ABCC10: variants seen among roughly 807,000 people sequenced by gnomAD.
The protein encoded by ABCC10 is ATP binding cassette subfamily C member 10, also known as ATP-binding cassette sub-family C member 10.
A neutral mutation model predicts 143.2 loss-of-function variants in ABCC10; 110 were observed. The ratio of observed to expected loss-of-function variants is 0.77; its 90% CI spans 0.66 to 0.90. ABCC10 has a LOEUF of 0.90. ABCC10 is among the 40% of genes least tolerant of loss of function. The pLI is 0.00. For synonymous variants in ABCC10, 805 were observed against 846.7 expected (o/e 0.95, Z 0.85); for missense variants, 1,700 against 1,900.5 (o/e 0.89, Z 1.96).
In ABCC10 at chr6:43,441,947, G is replaced by T; in HGVS notation, c.2213G>T (p.Arg738Leu). 1 of 1,613,790 alleles carries T rather than the reference G, an allele frequency of 6.2e-7. No homozygotes were observed. The highest frequency in any genetic ancestry group is 8.5e-7 in the Non-Finnish European group (1 of 1,179,778). ...CAGCGTGCCCGGATTGCCCTTGCTC[G>T]TGCTGTCTACCAGGTCAGTTAAAGA... ...GGQRARIALA[R>L]AVYQEKELYL... The change falls in exon 9 of 22, where the codon CGT (arginine) becomes CTT (leucine). Residue 738 changes from arginine (R) to leucine (L), a missense_variant. Physicochemically the swap from Arg to Leu is moderately radical, Grantham distance 102. Coordinates refer to ENST00000372530, the MANE Select transcript of ABCC10 (RefSeq NM_001198934.2).
rs143622842 is a variant in ABCC10 at position 43,445,631 on chromosome 6, G to A, written c.3063G>A (p.Thr1021=). 26 of 1,611,852 alleles carry A rather than the reference G, an allele frequency of 1.6e-5. No homozygotes were observed. In the Admixed American group the frequency reaches 1.8e-4, roughly 11 times the overall value. Residue 1021 remains threonine, a synonymous_variant, in exon 15 of 22, where the codon ACG becomes ACA. Transcript: ENST00000372530. The stretch of plus-strand genomic sequence containing the variant: ...TGACTTTCTTCAATGCCACACCCAC[G>A]GGCCGGATCCTAAACCGCTTCTCCT... ...APVTFFNATP[T]GRILNRFSSD...
rs759315298 is a variant in ABCC10, at chr6:43,432,307, T to C, written c.327T>C (p.Ala109=). The C allele has an allele frequency of 6.2e-7, 1 of 1,614,180 alleles. No homozygotes were observed. ...AGGTGTTGGCAGGGTGCGTGGCAGC[T>C]GTGGCCTGGATCAGCCACAGCCTGG... The part of the protein sequence containing the change: ...GLEVLAGCVA[A]VAWISHSLAL... The change falls in exon 3 of 22, where the codon GCT becomes GCC. Residue 109 remains alanine, a synonymous_variant. Coordinates refer to ENST00000372530, the MANE Select transcript of ABCC10 (RefSeq NM_001198934.2).
rs1031669134 is a variant in ABCC10, at chr6:43,447,321, A to G, written c.3618A>G (p.Thr1206=). 6.2e-7 allele frequency: 1 copy of G among 1,613,522 alleles called. No individual in the cohort carries two copies. Among genetic ancestry groups the G allele is most frequent in the South Asian group, 1.1e-5 (1 of 91,078 alleles). Reference sequence around the variant, plus strand: ...TCTCGGGCCTGGTGAGCAGCTTCACACAGACAGAGGCCATGCTGGTGAGCG... The same window carrying G: ...TCTCGGGCCTGGTGAGCAGCTTCACGCAGACAGAGGCCATGCTGGTGAGCG... The part of the protein sequence containing the change: ...GLLSGLVSSF[T]QTEAMLVSVE... Residue 1206 remains threonine, a synonymous_variant, in exon 17 of 22, where the codon ACA becomes ACG. Transcript: ENST00000372530.
chr6:43,450,442 C>T, downstream of ABCC10: 1 of 1,376,700 alleles, frequency 7.3e-7, no homozygotes, highest in Non-Finnish European at 9.8e-7. This position sits in a 1 kb window ranked among gnomAD's most constrained non-coding sequence, Gnocchi z 4.5. Flanking sequence ...GAGGTCTCCT[C>T]TGTGTGTGTA....
At chr6:43,448,152 C>CTGG in intron 18 of ABCC10, 6 of 750,412 alleles carry the variant, frequency 8.0e-6, no homozygotes, top group Non-Finnish European at 1.4e-5. Context: ...TCGCCCTGAC[C>CTGG]CAGGCCACCT....
In ABCC10 at chr6:43,445,623, A is replaced by G. The variant is rs765800621; in HGVS notation, c.3055A>G (p.Thr1019Ala). The part of the protein sequence containing the change: ...LMAPVTFFNA[T>A]PTGRILNRFS... ...GGCACCAGTGACTTTCTTCAATGCC[A>G]CACCCACGGGCCGGATCCTAAACCG... is the stretch of plus-strand genomic sequence containing the variant. Residue 1019 changes from threonine to alanine, a missense_variant, in exon 15 of 22, where the codon ACA becomes GCA. Transcript: ENST00000372530. The G allele has an allele frequency of 3.1e-6, 5 of 1,612,214 alleles. No homozygotes were observed. In the South Asian group the frequency reaches 5.5e-5, roughly 18 times the overall value.
rs1782010631 is a variant in ABCC10, at chr6:43,438,697, T to G, written c.2029T>G (p.Phe677Val). 1 of 1,614,100 alleles carries G rather than the reference T, an allele frequency of 6.2e-7. No individual in the cohort carries two copies. The highest frequency in any genetic ancestry group is 8.5e-7 in the Non-Finnish European group (1 of 1,180,046). ...GGCCACCCAGGAACCCTGGATCCAG[T>G]TTGCCACCATCCGAGACAACATCCT... The part of the protein sequence containing the change: ...GLATQEPWIQ[F>V]ATIRDNILFG... The change falls in exon 8 of 22, where the codon TTT (phenylalanine) becomes GTT (valine). Residue 677 changes from phenylalanine to valine, a missense_variant. Phe to Val is a conservative substitution (Grantham distance 50). Transcript: ENST00000372530.
In ABCC10 at chr6:43,449,199, G is replaced by A. The variant is rs1378355108; in HGVS notation, c.4198G>A (p.Ala1400Thr). The change falls in exon 20 of 22, where the codon GCC (alanine) becomes ACC (threonine). Residue 1400 changes from alanine (A) to threonine (T), a missense_variant. Physicochemically the swap from Ala to Thr is moderately conservative, Grantham distance 58 (BLOSUM62 0). Coordinates refer to ENST00000372530, the MANE Select transcript of ABCC10 (RefSeq NM_001198934.2). ...LCLARALLTD[A>T]KILCIDEATA... ...TTTGGCCAGGGCTCTCCTCACAGAT[G>A]CCAAGGTAAGGTGAGAGAAAGAGAC... is the stretch of plus-strand genomic sequence containing the variant. 1.2e-6 allele frequency: 2 copies of A among 1,613,872 alleles called. No homozygotes were observed. Among genetic ancestry groups the A allele is most frequent in the Non-Finnish European group, 1.7e-6 (2 of 1,179,930 alleles).
Position 43,427,982 on chromosome 6 carries a change from G to A in ABCC10, c.4G>A (p.Glu2Lys), listed in dbSNP as rs1006418422. Residue 2 changes from glutamate (E) to lysine (K), a missense_variant, in exon 2 of 22, where the codon GAA (glutamate) becomes AAA (lysine). Physicochemically the swap from Glu to Lys is moderately conservative, Grantham distance 56 (BLOSUM62 1). Coordinates refer to ENST00000372530, the MANE Select transcript of ABCC10 (RefSeq NM_001198934.2). M[E>K]RLLAQLCGSS... ...TTTCCCTTCAGGTGAGGCGTCCATG[G>A]AACGACTTCTGGCCCAGCTGTGCGG... is the stretch of plus-strand genomic sequence containing the variant. The A allele has an allele frequency of 1.9e-6, 3 of 1,611,986 alleles. No individual in the cohort carries two copies. Among genetic ancestry groups the A allele is most frequent in the Non-Finnish European group, 2.5e-6 (3 of 1,179,570 alleles).
In ABCC10 at chr6:43,434,843, A is replaced by C. The variant is rs1562175267; in HGVS notation, c.1603A>C (p.Thr535Pro). ...YVLMGHQLTA[T>P]KVFTALALVR... ...CCTCATGGGGCACCAGCTCACTGCCACCAAGGTGAGGACCAGGAAGGAAGG... is the reference window on the plus strand; with the variant it reads ...CCTCATGGGGCACCAGCTCACTGCCCCCAAGGTGAGGACCAGGAAGGAAGG... The change falls in exon 4 of 22, where the codon ACC (threonine) becomes CCC (proline). Residue 535 changes from threonine (T) to proline (P), a missense_variant. Physicochemically the swap from Thr to Pro is conservative, Grantham distance 38. Transcript: ENST00000372530. 1.2e-6 allele frequency: 2 copies of C among 1,613,956 alleles called. No homozygotes were observed. The highest frequency in any genetic ancestry group is 1.7e-6 in the Non-Finnish European group (2 of 1,179,838).
In ABCC10 at chr6:43,441,864, C is replaced by A. The variant is rs1193341363; in HGVS notation, c.2130C>A (p.Ile710=). The A allele has an allele frequency of 6.2e-7, 1 of 1,612,926 alleles. No homozygotes were observed. Among genetic ancestry groups the A allele is most frequent in the East Asian group, 2.2e-5 (1 of 44,834 alleles). ...CACTGGGGCACCTGTTCCATCAGATCCTGCCTGCTGGAGACCAGACAGAGG... is the reference window on the plus strand; with the variant it reads ...CACTGGGGCACCTGTTCCATCAGATACTGCCTGCTGGAGACCAGACAGAGG... ...EACALNDDLS[I]LPAGDQTEVG... is the part of the protein sequence containing the mutation. The change falls in exon 9 of 22, where the codon ATC becomes ATA. Residue 710 remains isoleucine, a splice_region_variant and synonymous_variant. Coordinates refer to ENST00000372530, the MANE Select transcript of ABCC10 (RefSeq NM_001198934.2).
At position 43,446,596 on chromosome 6, in the gene ABCC10, T is replaced by C. The variant is rs544186250; in HGVS notation, c.3544+150T>C. On this transcript the variant is annotated intron_variant, in intron 16 of 21. Transcript: ENST00000372530. ...CATGATTATCATCATCACCCCCGTT[T>C]GGAGTTGAGGAGACAATCCCCAGGA... 4.2e-5 allele frequency: 60 copies of C among 1,427,096 alleles called. No homozygotes were observed. In the Admixed American group the frequency reaches 8.5e-4, roughly 20 times the overall value. The allele number at this position is 1,427,096 out of a possible 1,614,324, so 88.4% of individuals were successfully genotyped here. A position where few individuals can be genotyped will look rare whatever the true frequency, so the allele number is the denominator to read the frequency against.
At chr6:43,450,556 T>C (rs748640339), downstream of ABCC10, 15 of 1,565,842 alleles carry the variant, frequency 9.6e-6, no homozygotes, top group African/African-American at 5.4e-5. The surrounding 1 kb of genome is among the most constrained non-coding windows in gnomAD (Gnocchi z 4.5). Flanking sequence ...GCTGTGGTCT[T>C]TCCAGGCTCA....
At chr6:43,433,901 T>C (rs1026005205) in intron 3 of ABCC10, among the ~76,000 whole-genome samples, 1 of 152,232 alleles carries the variant, frequency 6.6e-6, no homozygotes, top group Non-Finnish European at 1.5e-5. Flanking sequence ...AGGGTTTGGC[T>C]GAATCTGCAG....
At chr6:43,442,463 C>T (rs953319251) in intron 9 of ABCC10, among the ~76,000 whole-genome samples, 3 of 152,062 alleles carry the variant, frequency 2.0e-5, no homozygotes, top group East Asian at 1.9e-4. Context: ...TCCAGCTACT[C>T]GGGAGGCTGA....
intron 7 of ABCC10, chr6:43,438,337 A>G: frequency 2.1e-6 from 3 of 1,412,886 alleles, no homozygotes; most frequent in Non-Finnish European, 2.8e-6. Flanking sequence ...TTGTTTTCAG[A>G]TGGGAACAAG....
chr6:43,451,122 A>C (rs916438145), downstream of ABCC10: 16 of 1,614,126 alleles, frequency 9.9e-6, no homozygotes, highest in African/African-American at 2.0e-4. The surrounding 1 kb of genome is among the most constrained non-coding windows in gnomAD (Gnocchi z 4.4). Flanking sequence ...TATGCCGTCA[A>C]GGCAGGTGGC....
chr6:43,438,745 C>T lies in ABCC10; in HGVS notation c.2077C>T (p.Gln693Ter), dbSNP rs759167872. Residue 693 changes from glutamine to a stop codon, truncating the protein, a stop_gained, in exon 8 of 22, where the codon CAG (glutamine) becomes TAG (stop). Transcript: ENST00000372530. LOFTEE classifies it high-confidence loss of function. The part of the protein sequence containing the change: ...NILFGKTFDA[Q>*]LYKEVLEACA... Reference sequence around the variant, plus strand: ...CCTCTTTGGGAAGACATTTGATGCACAGCTGTACAAGGAGGTGCTAGAAGC... The same window carrying T: ...CCTCTTTGGGAAGACATTTGATGCATAGCTGTACAAGGAGGTGCTAGAAGC... 3 of 1,614,228 alleles carry T rather than the reference C, an allele frequency of 1.9e-6. No homozygotes were observed. Among genetic ancestry groups the T allele is most frequent in the Non-Finnish European group, 2.5e-6 (3 of 1,180,036 alleles).
At chr6:43,431,074 A>AT (rs938766715) in intron 2 of ABCC10, among the ~76,000 whole-genome samples, 17 of 152,246 alleles carry the variant, frequency 1.1e-4, no homozygotes, top group East Asian at 3.9e-4. Context: ...TATTAAAAAC[A>AT]TTTTTTTATG....
Sources: gnomAD v4.1 joint callset for allele counts (sites outside exome capture counted in the v4.1 genomes callset) on GRCh38, gnomAD v4.1.1 for gene constraint, Gnocchi (gnomAD v3.1) non-coding constraint, MANE v1.5 for transcripts, NCBI Gene and HGNC (gene_info 2026-07-23, HGNC 2026-07-21) for gene names.